The following COLEC11 variants were observed in gnomAD, a reference collection of about 807,000 sequenced individuals.
COLEC11 encodes the protein collectin-11.
Under a neutral mutation model 27.3 loss-of-function variants are expected in COLEC11, and 20 were observed. That is an observed-to-expected ratio of 0.73 (90% CI 0.51 to 1.06). The LOEUF (loss-of-function observed/expected upper bound fraction) is 1.06, where lower values mean the gene tolerates loss of function less well. Among genes scored for constraint, COLEC11 ranks in the 50% least tolerant of loss-of-function variants. The pLI is 0.00. For missense variants in COLEC11, 310 were observed against 383.0 expected (o/e 0.81, Z 1.59); for synonymous variants, 163 against 154.7 (o/e 1.05, Z -0.40).
At chr2:3,613,005 G>C (rs1012846828) in intron 2 of COLEC11, among the ~76,000 whole-genome samples, 1 of 145,626 alleles carries the variant, frequency 6.9e-6, no homozygotes, top group Non-Finnish European at 1.5e-5. Context: ...GAGAGCCGGC[G>C]TTTAGACGCG....
chr2:3,605,796 T>C, intron 2 of COLEC11: 1 of 309,524 alleles, frequency 3.2e-6, no homozygotes, highest in Non-Finnish European at 6.1e-6. Flanking sequence ...GCCCGTGTTG[T>C]ACAAAATGAA....
intron 2 of COLEC11, chr2:3,605,165 T>C (rs1041143159): frequency 2.2e-6 from 1 of 460,584 alleles, no homozygotes; most frequent in Non-Finnish European, 4.5e-6. Flanking sequence ...GAAATGAAAA[T>C]GTGGGCCCCT....
At chr2:3,614,165 C>T (rs1206379347) in intron 3 of COLEC11, among the ~76,000 whole-genome samples, 3 of 151,688 alleles carry the variant, frequency 2.0e-5, no homozygotes, top group Admixed American at 2.0e-4. Context: ...TTAGTAGAGA[C>T]TAGGTTTCAC....
intron 3 of COLEC11, among the ~76,000 whole-genome samples, chr2:3,633,515 T>A (rs1665163040): frequency 6.6e-6 from 1 of 151,988 alleles, no homozygotes; most frequent in Non-Finnish European, 1.5e-5. Flanking sequence ...CCATAGGGGG[T>A]TCTGAGAAAC....
chr2:3,625,177 C>G (rs981077337), intron 3 of COLEC11, among the ~76,000 whole-genome samples: 1 of 152,244 alleles, frequency 6.6e-6, no homozygotes, highest in Non-Finnish European at 1.5e-5. Context: ...TTCTCCCTCC[C>G]TCCTTTCTTC....
At chr2:3,640,218 T>TAAAAA in intron 4 of COLEC11, 60 bp from the exon 5 acceptor site, 1 of 1,012,278 alleles carries the variant, frequency 9.9e-7, no homozygotes, top group South Asian at 1.3e-5. Context: ...CTTGATGTTT[T>TAAAAA]TAACACATAG....
intron 1 of COLEC11, among the ~76,000 whole-genome samples, chr2:3,598,187 C>T (rs565862022): frequency 6.6e-6 from 1 of 152,302 alleles, no homozygotes; most frequent in East Asian, 1.9e-4. Flanking sequence ...CCACCCACCT[C>T]GGCCTCCCAA....
intron 3 of COLEC11, among the ~76,000 whole-genome samples, chr2:3,626,486 G>A (rs554487612): frequency 3.7e-4 from 56 of 152,328 alleles, no homozygotes; most frequent in Admixed American, 2.7e-3. Context: ...AAGGATAGAC[G>A]CACAATGTCT....
At chr2:3,615,765 G>T (rs969200766) in intron 3 of COLEC11, among the ~76,000 whole-genome samples, 6 of 148,116 alleles carry the variant, frequency 4.1e-5, no homozygotes, top group African/African-American at 1.2e-4. Flanking sequence ...CCGGGCAGAG[G>T]CTCCCCCCAC....
At chr2:3,611,888 G>T (rs1663222894) in intron 2 of COLEC11, among the ~76,000 whole-genome samples, 1 of 152,074 alleles carries the variant, frequency 6.6e-6, no homozygotes, top group East Asian at 2.0e-4. Context: ...TGTGTGGGCG[G>T]CAAGCCGTCC....
intron 3 of COLEC11, among the ~76,000 whole-genome samples, chr2:3,627,855 G>A (rs1664676685): frequency 6.6e-6 from 1 of 152,188 alleles, no homozygotes; most frequent in Admixed American, 6.5e-5. Flanking sequence ...TGACAAAGTG[G>A]GTCTCAGCAC....
At chr2:3,632,235 G>A (rs1166508587) in intron 3 of COLEC11, among the ~76,000 whole-genome samples, 8 of 152,224 alleles carry the variant, frequency 5.3e-5, no homozygotes, top group South Asian at 2.1e-4. Context: ...GGCTGTGCTC[G>A]GAATCACGGG....
At chr2:3,635,870 C>T (rs890843334) in intron 3 of COLEC11, among the ~76,000 whole-genome samples, 4 of 152,328 alleles carry the variant, frequency 2.6e-5, no homozygotes, top group Middle Eastern at 3.4e-3. Context: ...CATGCCGGGC[C>T]ATGTCATTTT....
rs1377441891 is a variant in COLEC11, at chr2:3,640,267, T to G, written c.275-11T>G. 6.3e-7 allele frequency: 1 copy of G among 1,580,836 alleles called. No individual in the cohort carries two copies. The highest frequency in any genetic ancestry group is 1.3e-5 in the African/African-American group (1 of 74,290). On this transcript the variant is annotated splice_polypyrimidine_tract_variant and intron_variant, in intron 4 of 6. Coordinates refer to ENST00000349077, the MANE Select transcript of COLEC11 (RefSeq NM_024027.5). ...CTGCCTGGTGACTTGGACCTTGTTT[T>G]TTATTTTCAGGTGAGAAAGGAGATT...
At chr2:3,606,101 G>A (rs1662669960) in intron 2 of COLEC11, 1 of 1,550,628 alleles carries the variant, frequency 6.4e-7, no homozygotes, top group African/African-American at 1.4e-5. Flanking sequence ...GGTAGCGTGT[G>A]TGGGTTTGTG....
At chr2:3,627,940 G>A (rs755608758) in intron 3 of COLEC11, among the ~76,000 whole-genome samples, 95 of 152,322 alleles carry the variant, frequency 6.2e-4, no homozygotes, top group Admixed American at 6.5e-4. Context: ...GGGTGTGACA[G>A]CCCTGCTCCC....
intron 3 of COLEC11, among the ~76,000 whole-genome samples, chr2:3,618,162 G>T (rs7586429): frequency 0.67 from 101,870 of 152,042 alleles, 34,897 homozygotes; most frequent in South Asian, 0.83. Flanking sequence ...TTTGTTGATT[G>T]CTTTCTTTGC....
chr2:3,624,809 G>C (rs1007670764), intron 3 of COLEC11, among the ~76,000 whole-genome samples: 4 of 152,134 alleles, frequency 2.6e-5, no homozygotes, highest in African/African-American at 9.7e-5. Context: ...TCTTTGGGGG[G>C]ACTATGGTAG....
In COLEC11 at chr2:3,641,505, G is replaced by A; in HGVS notation, c.328+1174G>A. Reference sequence around the variant, plus strand: ...AGCTGCTATCGTCAGGCCTAGCTTGGTCAGAGTTTGGAGGTTAAATGAGGA... The same window carrying A: ...AGCTGCTATCGTCAGGCCTAGCTTGATCAGAGTTTGGAGGTTAAATGAGGA... On this transcript the variant is annotated intron_variant, in intron 5 of 6. Transcript: ENST00000349077. 4.5e-6 allele frequency: 5 copies of A among 1,111,588 alleles called. No individual in the cohort carries two copies. The South Asian group carries it at 4.7e-5, about 10-fold the overall frequency. The allele number at this position is 1,111,588 out of a possible 1,614,324, so 68.9% of individuals were successfully genotyped here.
Sources: allele counts gnomAD v4.1 joint callset (sites outside exome capture counted in the v4.1 genomes callset), GRCh38; gene constraint gnomAD v4.1.1; transcripts MANE v1.5; gene names NCBI Gene and HGNC (gene_info 2026-07-23, HGNC 2026-07-21).